The following MYF5 variants were observed in gnomAD, a reference collection of about 807,000 sequenced individuals.
The protein encoded by MYF5 is class C basic helix-loop-helix protein 2.
A neutral mutation model predicts 22.3 loss-of-function variants in MYF5; 20 were observed. The observed-to-expected ratio is 0.90, with a 90% CI of 0.63 to 1.30. The LOEUF (loss-of-function observed/expected upper bound fraction) is 1.30, where lower values mean the gene tolerates loss of function less well. Ranked by LOEUF, MYF5 falls within the 50% of genes most tolerant of loss-of-function variation. MYF5 has a pLI of 0.00. For synonymous variants in MYF5, 141 were observed against 128.4 expected, an observed-to-expected ratio of 1.10 and a Z score of -0.66; for missense variants, 348 against 325.9, an observed-to-expected ratio of 1.07 and a Z score of -0.52.
intron 1 of MYF5, 58 bp from the exon 2 acceptor site, chr12:80,718,300 T>C (rs1868656033): frequency 1.4e-6 from 2 of 1,423,364 alleles, no homozygotes; most frequent in Admixed American, 3.3e-5. Flanking sequence ...TCACCTTTGG[T>C]CAGAACATCT....
chr12:80,718,489 C>A (rs1868662894), intron 2 of MYF5, 56 bp downstream of exon 2: 3 of 1,381,884 alleles, frequency 2.2e-6, no homozygotes, highest in African/African-American at 2.9e-5. Flanking sequence ...AACAATTCAG[C>A]CTATAAGATT....
intron 2 of MYF5, 101 bp from the exon 3 acceptor site, chr12:80,718,760 T>C: frequency 9.9e-7 from 1 of 1,013,004 alleles, no homozygotes; most frequent in South Asian, 1.6e-5. Flanking sequence ...ACCTGACCTC[T>C]GGGTGTCAGA....
At position 80,717,435 on chromosome 12, in the gene MYF5, C is replaced by T; in HGVS notation, c.372C>T (p.Leu124=). The change falls in exon 1 of 3, where the codon CTC becomes CTT. Residue 124 remains leucine, a synonymous_variant. Coordinates refer to ENST00000228644, the MANE Select transcript of MYF5 (RefSeq NM_005593.3). ...AGAGGCTGCCCAAGGTGGAGATCCT[C>T]AGGAATGCCATCCGCTACATCGAGA... is the stretch of plus-strand genomic sequence containing the variant. ...PNQRLPKVEI[L]RNAIRYIESL... 6.2e-7 allele frequency: 1 copy of T among 1,614,124 alleles called. No individual in the cohort carries two copies. The highest frequency in any genetic ancestry group is 1.6e-4 in the Middle Eastern group (1 of 6,062).
chr12:80,719,086 G>T lies in MYF5; in HGVS notation c.*35G>T. ...CTGGTCTATATGACTTCTTCCAGGA[G>T]GGCCTAATACACAGGAAGAAGAAGG... On this transcript the variant is annotated 3_prime_UTR_variant, in exon 3 of 3. Coordinates refer to ENST00000228644, the MANE Select transcript of MYF5 (RefSeq NM_005593.3). 1.3e-6 allele frequency: 2 copies of T among 1,582,698 alleles called. No homozygotes were observed. Among genetic ancestry groups the T allele is most frequent in the Non-Finnish European group, 1.7e-6 (2 of 1,156,088 alleles).
chr12:80,717,648 G>C, intron 1 of MYF5, 84 bp downstream of exon 1: 2 of 1,489,324 alleles, frequency 1.3e-6, no homozygotes, highest in South Asian at 1.3e-5. Context: ...GTGGTGGGGA[G>C]AGTGGGGTGG....
rs1432337460 is a variant in MYF5, at chr12:80,719,038, A to G, written c.755A>G (p.Tyr252Cys). 15 of 1,613,826 alleles carry G rather than the reference A, an allele frequency of 9.3e-6. No homozygotes were observed. The highest frequency in any genetic ancestry group is 1.6e-4 in the Middle Eastern group (1 of 6,082). Reference sequence around the variant, plus strand: ...GGGGCTTCTAGTTCCAGGCTTATCTATCATGTGCTATGAACTAATTTTCTG... The same window carrying G: ...GGGGCTTCTAGTTCCAGGCTTATCTGTCATGTGCTATGAACTAATTTTCTG... ...TPGASSSRLI[Y>C]HVL Residue 252 changes from tyrosine to cysteine, a missense_variant, in exon 3 of 3, where the codon TAT (tyrosine) becomes TGT (cysteine). Tyr to Cys is a radical substitution (Grantham distance 194). Coordinates refer to ENST00000228644, the MANE Select transcript of MYF5 (RefSeq NM_005593.3).
rs1868664994 is a variant in MYF5 at position 80,718,570 on chromosome 12, C to T, written c.577+137C>T. 3 of 793,752 alleles carry T rather than the reference C, an allele frequency of 3.8e-6. No homozygotes were observed. The Admixed American group carries it at 6.3e-5, about 17-fold the overall frequency. The allele number at this position is 793,752 out of a possible 1,614,324, so 49.2% of individuals were successfully genotyped here. The stretch of plus-strand genomic sequence containing the variant: ...TTCTTATAGGGAGGCTTTGGTAAAG[C>T]AAAATAAACACATCTTCTGCTCCAA... On this transcript the variant is annotated intron_variant, in intron 2 of 2. Transcript: ENST00000228644.
At chr12:80,718,457 A>C (rs756497222) in intron 2 of MYF5, 24 bp downstream of exon 2, 2 of 1,566,194 alleles carry the variant, frequency 1.3e-6, no homozygotes, top group Non-Finnish European at 1.8e-6. Context: ...ACTTCACAGG[A>C]GTTTAAAGAC....
intron 1 of MYF5, among the ~76,000 whole-genome samples, chr12:80,717,888 A>G (rs1427989809): frequency 1.3e-5 from 2 of 152,120 alleles, no homozygotes; most frequent in Non-Finnish European, 1.5e-5. Flanking sequence ...CTACGCTAAT[A>G]TCTAAAGGCA....
In MYF5 at chr12:80,717,150, G is replaced by A. The variant is rs765005922; in HGVS notation, c.87G>A (p.Gly29=). 3 of 1,613,842 alleles carry A rather than the reference G, an allele frequency of 1.9e-6. No individual in the cohort carries two copies. The highest frequency in any genetic ancestry group is 1.3e-5 in the African/African-American group (1 of 74,940). ...SCIPSPEGEF[G]DEFVPRVAAF... is the part of the protein sequence containing the mutation. ...TACCGTCCCCCGAGGGTGAATTTGGGGACGAGTTTGTGCCGCGAGTGGCTG... is the reference window on the plus strand; with the variant it reads ...TACCGTCCCCCGAGGGTGAATTTGGAGACGAGTTTGTGCCGCGAGTGGCTG... The change falls in exon 1 of 3, where the codon GGG becomes GGA. Residue 29 remains glycine (G), a synonymous_variant. Coordinates refer to ENST00000228644, the MANE Select transcript of MYF5 (RefSeq NM_005593.3).
chr12:80,718,476 C>T (rs547157805), intron 2 of MYF5, 43 bp downstream of exon 2: 2 of 1,448,156 alleles, frequency 1.4e-6, no homozygotes, highest in South Asian at 2.3e-5. Context: ...ACCAGTTCAA[C>T]CTAACAATTC....
rs754787652 is a variant in MYF5 at position 80,717,331 on chromosome 12, A to G, written c.268A>G (p.Met90Val). The G allele has an allele frequency of 4.3e-6, 7 of 1,613,936 alleles. No individual in the cohort carries two copies. The highest frequency in any genetic ancestry group is 1.1e-5 in the South Asian group (1 of 91,090). The change falls in exon 1 of 3, where the codon ATG becomes GTG. Residue 90 changes from methionine (M) to valine (V), a missense_variant. Met to Val is a conservative substitution (Grantham distance 21). Transcript: ENST00000228644. ...CATGGATCGGCGGAAGGCAGCCACT[A>G]TGCGCGAGCGGAGGCGCCTGAAGAA... ...TTMDRRKAAT[M>V]RERRRLKKVN...
chr12:80,718,309 C>CT (rs771796427), intron 1 of MYF5, 49 bp from the exon 2 acceptor site: 6 of 1,509,064 alleles, frequency 4.0e-6, no homozygotes, highest in Non-Finnish European at 5.5e-6. Context: ...GTCAGAACAT[C>CT]TTTTGCCAAG....
At chr12:80,718,477 C>G in intron 2 of MYF5, 44 bp downstream of exon 2, 1 of 1,449,410 alleles carries the variant, frequency 6.9e-7, no homozygotes, top group Non-Finnish European at 9.7e-7. Flanking sequence ...CCAGTTCAAC[C>G]TAACAATTCA....
chr12:80,719,220 G>A lies in MYF5; in HGVS notation c.*169G>A, dbSNP rs999771626. 65 of 536,790 alleles carry A rather than the reference G, an allele frequency of 1.2e-4. 1 individual carries two copies. The highest frequency in any genetic ancestry group is 2.0e-4 in the Non-Finnish European group (61 of 309,958). 33.3% of individuals were successfully genotyped at this position (536,790 alleles called of 1,614,324 possible). On this transcript the variant is annotated 3_prime_UTR_variant, in exon 3 of 3. Transcript: ENST00000228644. ...ATAAGAAAGTGTATTTAACTAAAAA[G>A]TCATCATTGCAAATAATACTTTCTT... is the stretch of plus-strand genomic sequence containing the variant.
Position 80,718,346 on chromosome 12 carries a change from C to T in MYF5, c.502-12C>T. ...CCTGAAAACAAACTTTGTTGTGTGTCTTGTATTATAGCCCGAATGTAACAG... is the reference window on the plus strand; with the variant it reads ...CCTGAAAACAAACTTTGTTGTGTGTTTTGTATTATAGCCCGAATGTAACAG... On this transcript the variant is annotated splice_polypyrimidine_tract_variant and intron_variant, in intron 1 of 2. Coordinates refer to ENST00000228644, the MANE Select transcript of MYF5 (RefSeq NM_005593.3). 1.2e-6 allele frequency: 2 copies of T among 1,612,928 alleles called. No homozygotes were observed. The highest frequency in any genetic ancestry group is 1.7e-6 in the Non-Finnish European group (2 of 1,178,952).
Position 80,717,574 on chromosome 12 carries a change from AGATC to A in MYF5, c.501+11_501+14del. ...CTGCTCTGATGGCATGGTAAGCAAT[AGATC>A]TGGTACCTGCTAGGCTACCCTAATC... On this transcript the variant is annotated intron_variant, in intron 1 of 2. Coordinates refer to ENST00000228644, the MANE Select transcript of MYF5 (RefSeq NM_005593.3). 9 of 1,612,076 alleles carry A rather than the reference AGATC, an allele frequency of 5.6e-6. No homozygotes were observed. The highest frequency in any genetic ancestry group is 5.3e-5 in the African/African-American group (4 of 74,976).
chr12:80,719,105 A>G lies in MYF5; in HGVS notation c.*54A>G, dbSNP rs1868685631. ...CCAGGAGGGCCTAATACACAGGAAGAAGAAGGCTTCAAAAAGTCCCAAACC... is the reference window on the plus strand; with the variant it reads ...CCAGGAGGGCCTAATACACAGGAAGGAGAAGGCTTCAAAAAGTCCCAAACC... On this transcript the variant is annotated 3_prime_UTR_variant, in exon 3 of 3. Coordinates refer to ENST00000228644, the MANE Select transcript of MYF5 (RefSeq NM_005593.3). 1 of 1,447,556 alleles carries G rather than the reference A, an allele frequency of 6.9e-7. No homozygotes were observed. The highest frequency in any genetic ancestry group is 9.4e-7 in the Non-Finnish European group (1 of 1,067,856). The allele number at this position is 1,447,556 out of a possible 1,614,324, so 89.7% of individuals were successfully genotyped here. A position where few individuals can be genotyped will look rare whatever the true frequency, so the allele number is the denominator to read the frequency against.
Position 80,718,422 on chromosome 12 carries a change from A to C in MYF5, c.566A>C (p.Asp189Ala). ...ACTTTTGACAGCATCTACTGTCCTGATGTATCAAATGGTAAGAATTGATAA... is the reference window on the plus strand; with the variant it reads ...ACTTTTGACAGCATCTACTGTCCTGCTGTATCAAATGGTAAGAATTGATAA... ...SSTFDSIYCP[D>A]VSNVYATDKN... The change falls in exon 2 of 3, where the codon GAT becomes GCT. Residue 189 changes from aspartate (D) to alanine (A), a missense_variant. Coordinates refer to ENST00000228644, the MANE Select transcript of MYF5 (RefSeq NM_005593.3). 6.2e-7 allele frequency: 1 copy of C among 1,612,302 alleles called. No individual in the cohort carries two copies. Among genetic ancestry groups the C allele is most frequent in the African/African-American group, 1.3e-5 (1 of 75,010 alleles).
Sources: gnomAD v4.1 joint callset for allele counts (sites outside exome capture counted in the v4.1 genomes callset) on GRCh38, gnomAD v4.1.1 for gene constraint, MANE v1.5 for transcripts, NCBI Gene and HGNC (gene_info 2026-07-23, HGNC 2026-07-21) for gene names.